Variants in DDX6 observed in about 807,000 individuals in gnomAD.
DDX6 encodes probable ATP-dependent RNA helicase DDX6.
Under a neutral mutation model 60.6 loss-of-function variants are expected in DDX6, and 7 were observed. That is an observed-to-expected ratio of 0.12 (90% CI 0.07 to 0.22). The LOEUF is 0.22. Among genes scored for constraint, DDX6 ranks in the 10% least tolerant of loss-of-function variants. The pLI is 1.00. For synonymous variants in DDX6, 207 were observed against 201.0 expected (o/e 1.03, Z -0.25); for missense variants, 270 against 589.9 (o/e 0.46, Z 5.62).
chr11:118,786,342 G>A lies in DDX6; in HGVS notation c.-91C>T. ...AACAGTTTATTAGGCTCTCCAAAATGAAGAGATAAATATAAGTCTTGCTCA... is the reference window on the plus strand; with the variant it reads ...AACAGTTTATTAGGCTCTCCAAAATAAAGAGATAAATATAAGTCTTGCTCA... On this transcript the variant is annotated 5_prime_UTR_variant, in exon 2 of 14. Transcript: ENST00000534980. 8.9e-7 allele frequency: 1 copy of A among 1,119,072 alleles called. No individual in the cohort carries two copies. The allele number at this position is 1,119,072 out of a possible 1,614,324, so 69.3% of individuals were successfully genotyped here.
In DDX6 at chr11:118,749,613, T is replaced by G. The variant is rs1414344436; in HGVS notation, c.*2492A>C. 2 of 152,648 alleles carry G rather than the reference T, an allele frequency of 1.3e-5. No homozygotes were observed. Among genetic ancestry groups the G allele is most frequent in the Non-Finnish European group, 2.9e-5 (2 of 68,040 alleles). 9.5% of individuals were successfully genotyped at this position (152,648 alleles called of 1,614,324 possible). On this transcript the variant is annotated 3_prime_UTR_variant, in exon 14 of 14. Coordinates refer to ENST00000534980, the MANE Select transcript of DDX6 (RefSeq NM_004397.6). ...GTGGCACCACGCAGTCTAAAGTTGG[T>G]GAAGGAGACTGCACTTTTTGTTTAG...
rs1331563107 is a variant in DDX6, at chr11:118,748,778, A to C, written c.*3327T>G. On this transcript the variant is annotated 3_prime_UTR_variant, in exon 14 of 14. Coordinates refer to ENST00000534980, the MANE Select transcript of DDX6 (RefSeq NM_004397.6). ...AAAAATTAAAAAATTAAACCACGTCATCAGAATGAGATGTTTTGATTCCAA... is the reference window on the plus strand; with the variant it reads ...AAAAATTAAAAAATTAAACCACGTCCTCAGAATGAGATGTTTTGATTCCAA... 7.1e-6 allele frequency: 1 copy of C among 140,526 alleles called. No homozygotes were observed. The highest frequency in any genetic ancestry group is 1.5e-5 in the Non-Finnish European group (1 of 66,802). 8.7% of individuals were successfully genotyped at this position (140,526 alleles called of 1,614,324 possible).
intron 4 of DDX6, among the ~76,000 whole-genome samples, chr11:118,772,817 C>A (rs1861577137): frequency 6.6e-6 from 1 of 152,072 alleles, no homozygotes; most frequent in South Asian, 2.1e-4. Context: ...TAAGTAACAC[C>A]CCAATTTCCT....
At chr11:118,760,106 T>C (rs150100671) in intron 7 of DDX6, 62 bp from the exon 8 acceptor site, 485 of 1,474,544 alleles carry the variant, frequency 3.3e-4, no homozygotes, top group Non-Finnish European at 3.8e-4. Context: ...TCTTGGTTAA[T>C]ACATGGTCAA....
chr11:118,755,171 T>C (rs1400010697), intron 12 of DDX6, among the ~76,000 whole-genome samples: 1 of 152,222 alleles, frequency 6.6e-6, no homozygotes, highest in Non-Finnish European at 1.5e-5. Context: ...TACCACCTAA[T>C]GAGTGAAGTT....
intron 1 of DDX6, chr11:118,788,738 G>A (rs1200439283): frequency 6.6e-6 from 1 of 152,158 alleles, no homozygotes; most frequent in Non-Finnish European, 1.5e-5. Flanking sequence ...TGCCCAGAGT[G>A]GAGTGCAGTA....
At chr11:118,769,773 C>A (rs561540350) in intron 4 of DDX6, among the ~76,000 whole-genome samples, 12 of 152,148 alleles carry the variant, frequency 7.9e-5, no homozygotes, top group African/African-American at 2.6e-4. Flanking sequence ...GGCACAATCT[C>A]GGCTCACTGC....
At chr11:118,766,613 G>C (rs1181742405) in intron 5 of DDX6, among the ~76,000 whole-genome samples, 1 of 151,772 alleles carries the variant, frequency 6.6e-6, no homozygotes, top group African/African-American at 2.4e-5. Flanking sequence ...TTTTTTTTGA[G>C]ATGGAGTCTT....
rs1231755619 is a variant in DDX6 at position 118,750,752 on chromosome 11, G to C, written c.*1353C>G. 2.0e-5 allele frequency: 3 copies of C among 152,094 alleles called. No individual in the cohort carries two copies. The highest frequency in any genetic ancestry group is 7.2e-5 in the African/African-American group (3 of 41,406). 9.4% of individuals were successfully genotyped at this position (152,094 alleles called of 1,614,324 possible). A position where few individuals can be genotyped will look rare whatever the true frequency, so the allele number is the denominator to read the frequency against. On this transcript the variant is annotated 3_prime_UTR_variant, in exon 14 of 14. Coordinates refer to ENST00000534980, the MANE Select transcript of DDX6 (RefSeq NM_004397.6). ...TATTCCTCAAACTTTTAGAAAGGGG[G>C]AAGAAGCAAAATCAGAGCTTCTCAA...
At chr11:118,785,831 T>C in intron 2 of DDX6, 1 of 405,070 alleles carries the variant, frequency 2.5e-6, no homozygotes, top group African/African-American at 2.0e-5. Context: ...ATACAAAATT[T>C]GTGTGTATCA....
chr11:118,777,276 C>T (rs1050947702), intron 4 of DDX6, among the ~76,000 whole-genome samples: 1 of 152,276 alleles, frequency 6.6e-6, no homozygotes, highest in East Asian at 1.9e-4. Flanking sequence ...AGTGATGTCA[C>T]AGGGTTTGTC....
At chr11:118,779,440 A>G (rs145713301) in intron 4 of DDX6, among the ~76,000 whole-genome samples, 192 bp downstream of exon 4, 35 of 152,320 alleles carry the variant, frequency 2.3e-4, no homozygotes, top group Admixed American at 9.2e-4. Context: ...AGAATATCCT[A>G]AAGAAATACA....
chr11:118,758,326 A>G (rs1555159419), intron 9 of DDX6, among the ~76,000 whole-genome samples: 11 of 152,212 alleles, frequency 7.2e-5, no homozygotes, highest in Non-Finnish European at 1.5e-5. Flanking sequence ...ACTTTAGGTC[A>G]ACAACTAAAC....
chr11:118,767,816 A>G (rs1555161591), intron 5 of DDX6: 1 of 154,078 alleles, frequency 6.5e-6, no homozygotes, highest in African/African-American at 2.4e-5. Flanking sequence ...CATTTTTAGT[A>G]GAGACAGGGT....
At chr11:118,789,569 A>G (rs1316896755) in intron 1 of DDX6, 1 of 152,180 alleles carries the variant, frequency 6.6e-6, no homozygotes, top group Admixed American at 6.5e-5. Context: ...TGATTATCAC[A>G]TACACAAAGC....
intron 4 of DDX6, among the ~76,000 whole-genome samples, chr11:118,769,555 A>G (rs550112): frequency 6.6e-6 from 1 of 152,216 alleles, no homozygotes; most frequent in Non-Finnish European, 1.5e-5. Context: ...AGACATATAC[A>G]AAGAGAGGTC....
At chr11:118,763,501 T>C (rs1861243517) in intron 6 of DDX6, among the ~76,000 whole-genome samples, 195 bp from the exon 7 acceptor site, 1 of 17,050 alleles carries the variant, frequency 5.9e-5, no homozygotes, top group Non-Finnish European at 1.1e-4. Flanking sequence ...CAGCCGTCAC[T>C]GACCACAACA....
chr11:118,768,428 G>A (rs1232675462), intron 4 of DDX6, 76 bp from the exon 5 acceptor site: 7 of 1,490,660 alleles, frequency 4.7e-6, no homozygotes, highest in South Asian at 1.2e-5. Flanking sequence ...ATACACTGAA[G>A]GATACCTCTT....
At chr11:118,760,651 T>C (rs947577186) in intron 7 of DDX6, among the ~76,000 whole-genome samples, 7 of 151,008 alleles carry the variant, frequency 4.6e-5, no homozygotes, top group Non-Finnish European at 1.0e-4. Context: ...TGAAACCCCA[T>C]CTCTACTAAA....
Sources: gnomAD v4.1 joint callset for allele counts (sites outside exome capture counted in the v4.1 genomes callset) on GRCh38, gnomAD v4.1.1 for gene constraint, MANE v1.5 for transcripts, NCBI Gene and HGNC (gene_info 2026-07-23, HGNC 2026-07-21) for gene names.